Variants in PRKG1 observed in about 807,000 individuals in gnomAD.
The protein encoded by PRKG1 is protein kinase cGMP-dependent 1.
PRKG1 carries 35 observed loss-of-function variants against 88.1 expected under a neutral mutation model. The ratio of observed to expected loss-of-function variants is 0.40; its 90% CI spans 0.30 to 0.53. PRKG1 has a LOEUF of 0.53. Ranked by LOEUF, PRKG1 falls within the 20% of genes least tolerant of loss-of-function variation. PRKG1 has a pLI of 0.59. For synonymous variants in PRKG1, 303 were observed against 292.5 expected (o/e 1.04, Z -0.37); for missense variants, 540 against 839.8 (o/e 0.64, Z 4.41).
At chr10:52,017,072 C>A (rs967655762) in intron 5 of PRKG1, among the ~76,000 whole-genome samples, 2 of 151,800 alleles carry the variant, frequency 1.3e-5, no homozygotes, top group Admixed American at 1.3e-4. Flanking sequence ...GTTATAGTGA[C>A]TGAAAAAGAG....
chr10:51,247,162 G>T (rs1839313582), intron 2 of PRKG1, among the ~76,000 whole-genome samples: 1 of 151,942 alleles, frequency 6.6e-6, no homozygotes, highest in African/African-American at 2.4e-5. Flanking sequence ...TCAAGAAGAT[G>T]AAAAAACCCC....
chr10:51,455,816 C>A (rs770010891), intron 2 of PRKG1, among the ~76,000 whole-genome samples: 6 of 152,174 alleles, frequency 3.9e-5, no homozygotes, highest in Non-Finnish European at 7.3e-5. Context: ...TCTTCTGAGC[C>A]CTCCAAGTCT....
chr10:51,840,600 G>T lies in PRKG1; in HGVS notation c.698+35910G>T, dbSNP rs370246353. ...TCCCTTTTGTCACCTAGGCTGGAGT[G>T]CAGTGGCGCGACCTCAGCTCACTGG... On this transcript the variant is annotated intron_variant, in intron 4 of 17. Transcript: ENST00000373980. Among the ~76,000 whole-genome samples, 19 of 151,674 alleles carry T rather than the reference G, an allele frequency of 1.3e-4. No individual in the cohort carries two copies. In the South Asian group the frequency reaches 3.3e-3, roughly 27 times the overall value.
At chr10:51,328,266 A>G (rs1411154697) in intron 2 of PRKG1, among the ~76,000 whole-genome samples, 1 of 152,160 alleles carries the variant, frequency 6.6e-6, no homozygotes, top group Non-Finnish European at 1.5e-5. Context: ...ACTTAACGTG[A>G]TGTCTTGTAG....
At chr10:51,691,159 C>G (rs942382208) in intron 3 of PRKG1, among the ~76,000 whole-genome samples, 2 of 150,928 alleles carry the variant, frequency 1.3e-5, no homozygotes, top group African/African-American at 4.9e-5. Context: ...CTAGGACATT[C>G]CTTTGCTCAG....
chr10:52,097,523 C>A (rs74930159), intron 7 of PRKG1, among the ~76,000 whole-genome samples: 3,504 of 152,024 alleles, frequency 0.023, 59 homozygotes, highest in Non-Finnish European at 0.033. Context: ...TTAATCTAGC[C>A]AGTGCTATAT....
chr10:51,896,668 AAAG>A (rs1841856734), intron 4 of PRKG1, among the ~76,000 whole-genome samples: 1 of 149,988 alleles, frequency 6.7e-6, no homozygotes, highest in Non-Finnish European at 1.5e-5. Context: ...AAAAAAAAAA[AAAG>A]AAAAGATTCT....
chr10:51,602,776 G>A lies in PRKG1; in HGVS notation c.592+134940G>A, dbSNP rs1369909154. Among the ~76,000 whole-genome samples, 86 of 71,484 alleles carry A rather than the reference G, an allele frequency of 1.2e-3. 1 individual carries two copies. Among genetic ancestry groups the A allele is most frequent in the South Asian group, 3.5e-3 (8 of 2,286 alleles). 46.9% of individuals were successfully genotyped at this position (71,484 alleles called of 152,430 possible). A position where few individuals can be genotyped will look rare whatever the true frequency, so the allele number is the denominator to read the frequency against. On this transcript the variant is annotated intron_variant, in intron 3 of 17. Coordinates refer to ENST00000373980, the MANE Select transcript of PRKG1 (RefSeq NM_006258.4). ...TGTGTGTGTGTGTGTGTGTGTGTGT[G>A]TGTGTATATATTCATATATATATTA...
intron 3 of PRKG1, among the ~76,000 whole-genome samples, chr10:51,766,706 A>G (rs913017347): frequency 1.3e-5 from 2 of 152,246 alleles, no homozygotes; most frequent in South Asian, 4.1e-4. Flanking sequence ...CTTCACCTTC[A>G]CAACCTCATC....
intron 5 of PRKG1, among the ~76,000 whole-genome samples, chr10:51,919,674 A>G (rs182008158): frequency 0.017 from 2,374 of 142,720 alleles, 73 homozygotes; most frequent in African/African-American, 0.054. Flanking sequence ...ACAGCCCCCC[A>G]CCTTTTTTTT....
intron 5 of PRKG1, among the ~76,000 whole-genome samples, chr10:52,044,964 A>G (rs1354107529): frequency 1.3e-5 from 2 of 152,160 alleles, no homozygotes; most frequent in Non-Finnish European, 2.9e-5. Context: ...GTCAACTCCA[A>G]ACTGCTTGAG....
At chr10:52,194,934 C>T (rs1285901037) in intron 9 of PRKG1, among the ~76,000 whole-genome samples, 1 of 152,136 alleles carries the variant, frequency 6.6e-6, no homozygotes, top group Non-Finnish European at 1.5e-5. Flanking sequence ...CACCTGAGGG[C>T]TTCCCTTACA....
chr10:51,788,904 C>T (rs796666137), intron 3 of PRKG1, among the ~76,000 whole-genome samples: 7 of 152,208 alleles, frequency 4.6e-5, no homozygotes, highest in African/African-American at 1.7e-4. Flanking sequence ...AAGGATATGT[C>T]AAATATATGG....
intron 4 of PRKG1, among the ~76,000 whole-genome samples, chr10:51,843,500 A>T (rs1166195882): frequency 2.0e-5 from 3 of 152,172 alleles, no homozygotes; most frequent in Non-Finnish European, 1.5e-5. Context: ...CTTGTGACTG[A>T]TTGAAATAAA....
chr10:51,118,269 A>G (rs1356436681), intron 1 of PRKG1, among the ~76,000 whole-genome samples: 3 of 152,232 alleles, frequency 2.0e-5, no homozygotes, highest in Non-Finnish European at 4.4e-5. Context: ...AATAAAAAAT[A>G]AAACAAAAAA....
At chr10:51,078,251 C>T (rs947358050) in intron 1 of PRKG1, among the ~76,000 whole-genome samples, 2 of 151,948 alleles carry the variant, frequency 1.3e-5, no homozygotes, top group African/African-American at 4.8e-5. Context: ...CAGAGTCTCA[C>T]TCTGTCACCC....
chr10:51,741,751 G>T (rs540712264), intron 3 of PRKG1, among the ~76,000 whole-genome samples: 1 of 151,872 alleles, frequency 6.6e-6, no homozygotes, highest in South Asian at 2.1e-4. Context: ...TTATCCTAGG[G>T]ATCCTACGGT....
intron 3 of PRKG1, among the ~76,000 whole-genome samples, chr10:51,619,028 C>T (rs983151922): frequency 4.0e-5 from 6 of 150,520 alleles, no homozygotes; most frequent in Non-Finnish European, 7.4e-5. Flanking sequence ...CCACCTGCCT[C>T]GGCCTCCCAA....
At position 52,060,927 on chromosome 10, in the gene PRKG1, C is replaced by T. The variant is rs114326445; in HGVS notation, c.841-1610C>T. On this transcript the variant is annotated intron_variant, in intron 6 of 17. Transcript: ENST00000373980. ...TGGAAGCAACCCACATTTATATCTA[C>T]AGAATTAGTAAATTGCATAATATTC... is the stretch of plus-strand genomic sequence containing the variant. Among the ~76,000 whole-genome samples the T allele has an allele frequency of 5.7e-3, 868 of 152,030 alleles. 9 individuals carry two copies. Among genetic ancestry groups the T allele is most frequent in the African/African-American group, 0.02 (818 of 41,538 alleles).
Sources: allele counts gnomAD v4.1 joint callset (sites outside exome capture counted in the v4.1 genomes callset), GRCh38; gene constraint gnomAD v4.1.1; transcripts MANE v1.5; gene names NCBI Gene and HGNC (gene_info 2026-07-23, HGNC 2026-07-21).